Variants in APBA2 observed in about 807,000 individuals in gnomAD.
APBA2 encodes the protein amyloid beta precursor protein binding family A member 2.
Under a neutral mutation model 75.0 loss-of-function variants are expected in APBA2, and 30 were observed. That is an observed-to-expected ratio of 0.40 (90% CI 0.30 to 0.54). The LOEUF (loss-of-function observed/expected upper bound fraction) is 0.54, where lower values mean the gene tolerates loss of function less well. Ranked by LOEUF, APBA2 falls within the 20% of genes least tolerant of loss-of-function variation. The pLI, the probability that APBA2 is intolerant of heterozygous loss-of-function variation, is 0.49. For synonymous variants in APBA2, 444 were observed against 409.6 expected (o/e 1.08, Z -1.01); for missense variants, 801 against 1,016.1 (o/e 0.79, Z 2.88).
intron 4 of APBA2, among the ~76,000 whole-genome samples, chr15:29,066,895 T>A (rs1451261044): frequency 6.6e-6 from 1 of 152,092 alleles, no homozygotes; most frequent in African/African-American, 2.4e-5. Context: ...GCTGGGTAAT[T>A]TATAAGAAAA....
intron 2 of APBA2, among the ~76,000 whole-genome samples, chr15:28,980,651 C>T (rs1379029165): frequency 6.6e-6 from 1 of 152,212 alleles, no homozygotes; most frequent in African/African-American, 2.4e-5. Flanking sequence ...CTCTTCCTAT[C>T]AAACTGCCAA....
intron 2 of APBA2, among the ~76,000 whole-genome samples, chr15:28,966,352 T>C (rs904717370): frequency 5.3e-5 from 8 of 152,214 alleles, no homozygotes; most frequent in African/African-American, 1.9e-4. Flanking sequence ...GATTTGTTTT[T>C]GCTGTATGTG....
At chr15:28,955,706 C>T (rs866504723) in intron 2 of APBA2, among the ~76,000 whole-genome samples, 3 of 152,130 alleles carry the variant, frequency 2.0e-5, no homozygotes, top group African/African-American at 7.3e-5. Context: ...TCTGCAGGAA[C>T]ATATGAGTGA....
intron 4 of APBA2, among the ~76,000 whole-genome samples, chr15:29,074,367 T>G (rs1336179890): frequency 3.3e-5 from 5 of 152,226 alleles, no homozygotes; most frequent in African/African-American, 1.2e-4. Flanking sequence ...CAGGACATTT[T>G]GCTGAGTGCA....
At chr15:29,063,425 G>A (rs1183425813) in intron 4 of APBA2, among the ~76,000 whole-genome samples, 4 of 137,618 alleles carry the variant, frequency 2.9e-5, no homozygotes, top group East Asian at 5.0e-4. Flanking sequence ...TGTATGGGTG[G>A]GGAGGGGAGT....
Position 29,107,834 on chromosome 15 carries a change from G to A in APBA2, c.1918-436G>A, listed in dbSNP as rs544381135. Among the ~76,000 whole-genome samples the A allele has an allele frequency of 5.9e-5, 9 of 152,344 alleles. No individual in the cohort carries two copies. The East Asian group carries it at 9.7e-4, about 16-fold the overall frequency. Reference sequence around the variant, plus strand: ...TCACTCCCTGCCCTGCAGGAGGTCCGTCCTTGGAGGGCATTGGGTTTTGAG... The same window carrying A: ...TCACTCCCTGCCCTGCAGGAGGTCCATCCTTGGAGGGCATTGGGTTTTGAG... On this transcript the variant is annotated intron_variant, in intron 12 of 14. Transcript: ENST00000683413.
intron 2 of APBA2, among the ~76,000 whole-genome samples, chr15:28,967,215 G>C (rs2036785502): frequency 6.6e-6 from 1 of 151,974 alleles, no homozygotes; most frequent in South Asian, 2.1e-4. Context: ...CACATACCAT[G>C]TAACTCATAC....
intron 3 of APBA2, among the ~76,000 whole-genome samples, chr15:29,002,926 C>T (rs2038924028): frequency 6.6e-6 from 1 of 152,074 alleles, no homozygotes; most frequent in Non-Finnish European, 1.5e-5. Flanking sequence ...GATGAATATA[C>T]ATTTCTGCGA....
rs188061275 is a variant in APBA2, at chr15:28,891,933, T to A, written c.-205+5655T>A. Among the ~76,000 whole-genome samples, 469 of 152,310 alleles carry A rather than the reference T, an allele frequency of 3.1e-3. 6 individuals carry two copies. The highest frequency in any genetic ancestry group is 0.011 in the African/African-American group (449 of 41,568). Reference sequence around the variant, plus strand: ...GTTGTAGTGCAGTTACTTTATTTTTTAAAAAAATTTAATGTAGCCTAAGTG... The same window carrying A: ...GTTGTAGTGCAGTTACTTTATTTTTAAAAAAAATTTAATGTAGCCTAAGTG... On this transcript the variant is annotated intron_variant, in intron 1 of 14. Transcript: ENST00000683413.
intron 2 of APBA2, among the ~76,000 whole-genome samples, chr15:28,971,221 AT>A (rs906029405): frequency 2.0e-5 from 3 of 151,554 alleles, no homozygotes; most frequent in Admixed American, 1.3e-4. Context: ...TGTGCTTGCC[AT>A]TTTTTTTAAT....
At chr15:29,108,439 G>C in intron 13 of APBA2, 50 bp downstream of exon 13, 1 of 1,613,086 alleles carries the variant, frequency 6.2e-7, no homozygotes, top group East Asian at 2.2e-5. Flanking sequence ...CAGGGCCCAG[G>C]GAGGGGGAGC....
chr15:29,076,025 T>C (rs1566977365), intron 5 of APBA2, 30 bp from the exon 6 acceptor site: 4 of 1,604,008 alleles, frequency 2.5e-6, no homozygotes, highest in Non-Finnish European at 3.4e-6. Flanking sequence ...ACAATTGTTA[T>C]GTGTTTTATT....
chr15:28,913,915 G>A (rs1192482867), intron 1 of APBA2, among the ~76,000 whole-genome samples: 2 of 152,102 alleles, frequency 1.3e-5, no homozygotes, highest in Non-Finnish European at 2.9e-5. Flanking sequence ...TCCTGTCCTG[G>A]GCTGCAGTGA....
chr15:29,047,721 G>A (rs185405756), intron 3 of APBA2, among the ~76,000 whole-genome samples: 1 of 152,212 alleles, frequency 6.6e-6, no homozygotes, highest in East Asian at 1.9e-4. Flanking sequence ...CCGGAAAGGG[G>A]AAGCAAAATG....
intron 2 of APBA2, among the ~76,000 whole-genome samples, chr15:28,985,247 G>A (rs763161734): frequency 2.6e-5 from 4 of 152,200 alleles, no homozygotes; most frequent in Non-Finnish European, 5.9e-5. Context: ...GCAGGGGCAC[G>A]GGCTCAGCAT....
rs780108333 is a variant in APBA2 at position 28,994,729 on chromosome 15, T to G, written c.-94-1024T>G. On this transcript the variant is annotated intron_variant, in intron 2 of 14. Transcript: ENST00000683413. ...GCAACTGGCCGCTTTCTTAGAGAAG[T>G]GAAGACGCTGAGTAGACTAAACCTT... Among the ~76,000 whole-genome samples the G allele has an allele frequency of 5.9e-5, 9 of 152,272 alleles. No homozygotes were observed. The South Asian group carries it at 1.9e-3, about 32-fold the overall frequency.
At chr15:29,008,601 C>T (rs1422638865) in intron 3 of APBA2, among the ~76,000 whole-genome samples, 2 of 152,080 alleles carry the variant, frequency 1.3e-5, no homozygotes, top group African/African-American at 4.8e-5. Flanking sequence ...CCTAGCTACT[C>T]AGGAGGCTGA....
At chr15:29,083,325 T>G (rs2043159408) in intron 6 of APBA2, among the ~76,000 whole-genome samples, 1 of 152,066 alleles carries the variant, frequency 6.6e-6, no homozygotes, top group Admixed American at 6.5e-5. Flanking sequence ...TCTGGATCTG[T>G]TACAGGGACG....
rs76683038 is a variant in APBA2 at position 29,010,205 on chromosome 15, T to C, written c.-41+14399T>C. On this transcript the variant is annotated intron_variant, in intron 3 of 14. Coordinates refer to ENST00000683413, the MANE Select transcript of APBA2 (RefSeq NM_001353788.2). Reference sequence around the variant, plus strand: ...TCGAAACCTTCTCTTGAAGTTTTTGTGCAAGTTTTTGCTCATTTTTCTGTT... The same window carrying C: ...TCGAAACCTTCTCTTGAAGTTTTTGCGCAAGTTTTTGCTCATTTTTCTGTT... Among the ~76,000 whole-genome samples, 1,133 of 152,330 alleles carry C rather than the reference T, an allele frequency of 7.4e-3. 10 individuals are homozygous for C. The highest frequency in any genetic ancestry group is 0.025 in the African/African-American group (1,049 of 41,560).
Sources: allele counts gnomAD v4.1 joint callset (sites outside exome capture counted in the v4.1 genomes callset), GRCh38; gene constraint gnomAD v4.1.1; transcripts MANE v1.5; gene names NCBI Gene and HGNC (gene_info 2026-07-23, HGNC 2026-07-21).